The following TMED3 variants were observed in gnomAD, a reference collection of about 807,000 sequenced individuals.
TMED3 encodes transmembrane p24 trafficking protein 3.
A neutral mutation model predicts 15.0 loss-of-function variants in TMED3; 9 were observed. The observed-to-expected ratio is 0.60, with a 90% CI of 0.36 to 1.04. The LOEUF is 1.04. TMED3 is among the 50% of genes least tolerant of loss of function. TMED3 has a pLI of 0.01. For synonymous variants in TMED3, 117 were observed against 121.4 expected, an observed-to-expected ratio of 0.96 and a Z score of 0.24; for missense variants, 267 against 278.9, an observed-to-expected ratio of 0.96 and a Z score of 0.30.
At chr15:79,325,985 TCTC>T (rs550035258), downstream of TMED3, among the ~76,000 whole-genome samples, 279 of 152,194 alleles carry the variant, frequency 1.8e-3, 1 homozygote, top group African/African-American at 6.4e-3. Flanking sequence ...CAAATGTTAA[TCTC>T]CTCTAGCAGC....
intron 2 of TMED3, among the ~76,000 whole-genome samples, chr15:79,382,544 A>G (rs1255244338): frequency 6.6e-6 from 1 of 152,232 alleles, no homozygotes; most frequent in Non-Finnish European, 1.5e-5. Context: ...CCTGGCCTGC[A>G]CTGGCAGCAC....
Position 79,411,603 on chromosome 15 carries a change from G to A in TMED3, c.*99G>A, listed in dbSNP as rs1022129360. The A allele has an allele frequency of 1.1e-5, 7 of 663,394 alleles. No homozygotes were observed. In the African/African-American group the frequency reaches 1.2e-4, roughly 12 times the overall value. 41.1% of individuals were successfully genotyped at this position (663,394 alleles called of 1,614,324 possible). On this transcript the variant is annotated 3_prime_UTR_variant, in exon 3 of 3. Transcript: ENST00000424155. ...TGCTGCACAGAGCTACCATGCACTG[G>A]GACTAGCTCCTGGTCCCCAGTGACT... is the stretch of plus-strand genomic sequence containing the variant.
chr15:79,396,044 T>C (rs1312495559), intron 2 of TMED3, among the ~76,000 whole-genome samples: 1 of 152,208 alleles, frequency 6.6e-6, no homozygotes, highest in African/African-American at 2.4e-5. Flanking sequence ...AAGTAAATTG[T>C]CTCTCCATCT....
chr15:79,397,922 T>C (rs988400674), intron 2 of TMED3, among the ~76,000 whole-genome samples: 7 of 152,334 alleles, frequency 4.6e-5, no homozygotes, highest in Non-Finnish European at 7.4e-5. Context: ...CCAACCTCTC[T>C]GACTATCATC....
At chr15:79,314,243 C>G (rs964330775) in intron 2 of TMED3, among the ~76,000 whole-genome samples, 1 of 151,596 alleles carries the variant, frequency 6.6e-6, no homozygotes, top group African/African-American at 2.4e-5. Flanking sequence ...ATTCCTGTCT[C>G]TACTCTTTCA....
intron 2 of TMED3, among the ~76,000 whole-genome samples, chr15:79,329,385 G>A (rs1203339601): frequency 1.3e-5 from 2 of 152,250 alleles, no homozygotes; most frequent in African/African-American, 2.4e-5. Context: ...CTTTGGTCAG[G>A]AATAGGCAGA....
chr15:79,355,035 C>A (rs1054694634), intron 2 of TMED3, among the ~76,000 whole-genome samples: 5 of 152,172 alleles, frequency 3.3e-5, no homozygotes, highest in African/African-American at 1.2e-4. Context: ...CCTTGCCAAT[C>A]CCTGCCACTG....
At chr15:79,321,653 T>A (rs1009564455) in intron 2 of TMED3, among the ~76,000 whole-genome samples, 1 of 152,042 alleles carries the variant, frequency 6.6e-6, no homozygotes, top group Non-Finnish European at 1.5e-5. Flanking sequence ...TCGTTAACAG[T>A]GAGGGTAATG....
Position 79,347,492 on chromosome 15 carries a change from C to T in TMED3, c.417+33487C>T, listed in dbSNP as rs144667657. On this transcript the variant is annotated intron_variant, in intron 2 of 2. Transcript: ENST00000424155. ...GGCACAAGACGAGGCTGCCCTCTGTCACCACTCCTATTCAACATTGTATTG... is the reference window on the plus strand; with the variant it reads ...GGCACAAGACGAGGCTGCCCTCTGTTACCACTCCTATTCAACATTGTATTG... 8.6e-3 allele frequency among the ~76,000 whole-genome samples: 1,313 copies of T among 152,288 alleles called. 24 individuals carry two copies. The highest frequency in any genetic ancestry group is 0.03 in the African/African-American group (1,256 of 41,554).
rs149169778 is a variant in TMED3, at chr15:79,333,785, G to C, written c.417+19780G>C. 5.5e-3 allele frequency among the ~76,000 whole-genome samples: 831 copies of C among 152,256 alleles called. 7 individuals are homozygous for C. Among genetic ancestry groups the C allele is most frequent in the South Asian group, 0.013 (61 of 4,812 alleles). On this transcript the variant is annotated intron_variant, in intron 2 of 2. Coordinates refer to the TMED3 transcript ENST00000424155. ...CACACCCTTTGTTTAAAGCTACTGT[G>C]AGAATTAGAATTAGTAGGAAAGAGT... is the stretch of plus-strand genomic sequence containing the variant.
At chr15:79,396,134 G>A (rs752844513) in intron 2 of TMED3, among the ~76,000 whole-genome samples, 13 of 152,086 alleles carry the variant, frequency 8.5e-5, no homozygotes, top group Non-Finnish European at 1.6e-4. Flanking sequence ...AAATGCTAAA[G>A]TTTGCCCTCC....
At chr15:79,401,072 A>G (rs1452335918) in intron 2 of TMED3, among the ~76,000 whole-genome samples, 3 of 152,150 alleles carry the variant, frequency 2.0e-5, no homozygotes, top group Non-Finnish European at 4.4e-5. Context: ...CATATATTTT[A>G]CCATACCATG....
At chr15:79,311,656 G>C (rs558747872) in intron 1 of TMED3, among the ~76,000 whole-genome samples, 86 of 152,272 alleles carry the variant, frequency 5.6e-4, no homozygotes, top group African/African-American at 1.9e-3. Flanking sequence ...GTGCGAGCCC[G>C]GGATGGGGAC....
chr15:79,369,072 T>C (rs1389623756), intron 2 of TMED3, among the ~76,000 whole-genome samples: 1 of 147,884 alleles, frequency 6.8e-6, no homozygotes, highest in Non-Finnish European at 1.5e-5. Flanking sequence ...CCAGCCTGGG[T>C]GGCAGAGTGA....
At chr15:79,353,181 T>TAA (rs1254153907) in intron 2 of TMED3, among the ~76,000 whole-genome samples, 6 of 74,086 alleles carry the variant, frequency 8.1e-5, no homozygotes, top group African/African-American at 3.1e-4. Flanking sequence ...ACATAATATA[T>TAA]AAAATATATA....
rs984862632 is a variant in TMED3 at position 79,341,653 on chromosome 15, C to T, written c.417+27648C>T. On this transcript the variant is annotated intron_variant, in intron 2 of 2. Coordinates refer to the TMED3 transcript ENST00000424155. ...AGTTTACAGGAATTCGTTTATTCCC[C>T]TTCCCTGTGCCATAAGAAAAATTCC... Among the ~76,000 whole-genome samples the T allele has an allele frequency of 2.6e-5, 4 of 152,202 alleles. No homozygotes were observed. In the South Asian group the frequency reaches 6.2e-4, roughly 24 times the overall value.
intron 2 of TMED3, among the ~76,000 whole-genome samples, chr15:79,407,665 C>T (rs1893918640): frequency 6.6e-6 from 1 of 152,180 alleles, no homozygotes; most frequent in African/African-American, 2.4e-5. Flanking sequence ...CTTCCATGCT[C>T]ATTTGTTTAT....
chr15:79,369,776 C>T (rs1893302387), intron 2 of TMED3, among the ~76,000 whole-genome samples: 1 of 152,200 alleles, frequency 6.6e-6, no homozygotes, highest in South Asian at 2.1e-4. Context: ...TTATGTCTAA[C>T]AGAACACCAA....
At chr15:79,388,196 T>C (rs2141252566) in intron 2 of TMED3, among the ~76,000 whole-genome samples, 1 of 152,308 alleles carries the variant, frequency 6.6e-6, no homozygotes, top group African/African-American at 2.4e-5. Context: ...TTCAGTATTT[T>C]ACCATTAATT....
Sources: gnomAD v4.1 joint callset for allele counts (sites outside exome capture counted in the v4.1 genomes callset) on GRCh38, gnomAD v4.1.1 for gene constraint, MANE v1.5 for transcripts, NCBI Gene and HGNC (gene_info 2026-07-23, HGNC 2026-07-21) for gene names.